The following OPCML variants were observed in gnomAD, a reference collection of about 807,000 sequenced individuals.
OPCML encodes the protein opioid binding protein/cell adhesion molecule like, also known as opioid-binding protein/cell adhesion molecule.
OPCML carries 13 observed loss-of-function variants against 37.8 expected under a neutral mutation model. That is an observed-to-expected ratio of 0.34 (90% confidence interval 0.22 to 0.55). The LOEUF (loss-of-function observed/expected upper bound fraction) is 0.55, where lower values mean the gene tolerates loss of function less well. Among genes scored for constraint, OPCML ranks in the 20% least tolerant of loss-of-function variants. OPCML has a pLI of 0.91. For missense variants in OPCML, 341 were observed against 435.6 expected, an observed-to-expected ratio of 0.78 and a Z score of 1.93; for synonymous variants, 176 against 168.8, an observed-to-expected ratio of 1.04 and a Z score of -0.33.
chr11:133,118,040 C>A, intron 1 of OPCML: 1 of 698,404 alleles, frequency 1.4e-6, no homozygotes, highest in Non-Finnish European at 1.8e-6. Flanking sequence ...GTGAAGTTTC[C>A]CCAGCAGGTG....
chr11:133,058,262 G>T (rs999653627), intron 1 of OPCML, among the ~76,000 whole-genome samples: 1 of 152,190 alleles, frequency 6.6e-6, no homozygotes, highest in Non-Finnish European at 1.5e-5. Context: ...AGAAATCACC[G>T]AGAGGTGACA....
At chr11:133,479,129 CTG>C (rs1947316886) in intron 1 of OPCML, among the ~76,000 whole-genome samples, 1 of 152,224 alleles carries the variant, frequency 6.6e-6, no homozygotes, top group African/African-American at 2.4e-5. Flanking sequence ...CTCTGCAAAT[CTG>C]TGTTTCTCAG....
chr11:132,851,371 C>T lies in OPCML; in HGVS notation c.146+91555G>A, dbSNP rs185947320. Among the ~76,000 whole-genome samples the T allele has an allele frequency of 2.0e-4, 30 of 152,236 alleles. No individual in the cohort carries two copies. In the East Asian group the frequency reaches 5.4e-3, roughly 27 times the overall value. On this transcript the variant is annotated intron_variant, in intron 2 of 7. Transcript: ENST00000524381. ...TAATCCTATCTACATGTCAAAAGGT[C>T]TAGAGCTCAAAAATCTGAAGAACCC...
rs192744593 is a variant in OPCML at position 132,758,489 on chromosome 11, G to A, written c.147-101170C>T. Among the ~76,000 whole-genome samples the A allele has an allele frequency of 2.6e-3, 401 of 152,246 alleles. 1 individual carries two copies. Among genetic ancestry groups the A allele is most frequent in the African/African-American group, 8.7e-3 (363 of 41,538 alleles). ...CTCTTATTTCCTTGAGCAGTGGTTT[G>A]TAGTTCTTCTTGAAGAAGTCCTTCA... On this transcript the variant is annotated intron_variant, in intron 2 of 7. Coordinates refer to ENST00000524381, the MANE Select transcript of OPCML (RefSeq NM_001012393.5).
intron 3 of OPCML, among the ~76,000 whole-genome samples, chr11:132,621,635 C>A (rs1055427122): frequency 6.6e-6 from 1 of 152,070 alleles, no homozygotes; most frequent in Non-Finnish European, 1.5e-5. Context: ...TGGGAAAGGG[C>A]GTGATTAGAG....
intron 4 of OPCML, among the ~76,000 whole-genome samples, chr11:132,501,912 G>A (rs1247437226): frequency 1.3e-5 from 2 of 152,156 alleles, no homozygotes; most frequent in Non-Finnish European, 2.9e-5. Flanking sequence ...GCTTTCAGAT[G>A]AATCTGTTTC....
chr11:132,562,198 T>C (rs1022140496), intron 3 of OPCML, among the ~76,000 whole-genome samples: 1 of 152,112 alleles, frequency 6.6e-6, no homozygotes, highest in Non-Finnish European at 1.5e-5. Flanking sequence ...ATTAAAGAAC[T>C]GAGGCACTAG....
chr11:132,547,816 C>A (rs2096372230), intron 3 of OPCML, among the ~76,000 whole-genome samples: 1 of 152,048 alleles, frequency 6.6e-6, no homozygotes, highest in East Asian at 1.9e-4. Flanking sequence ...TCATGTTTAT[C>A]CTTGAACACA....
At position 133,151,927 on chromosome 11, in the gene OPCML, C is replaced by T. The variant is rs59497369; in HGVS notation, c.62-208917G>A. On this transcript the variant is annotated intron_variant, in intron 1 of 7. Transcript: ENST00000524381. ...ACTCCTCAGAGTGCCTTGGCAGGAT[C>T]CCCCAGGAAGAGAATGCTTCTAGCT... is the stretch of plus-strand genomic sequence containing the variant. Among the ~76,000 whole-genome samples, 1,379 of 152,292 alleles carry T rather than the reference C, an allele frequency of 9.1e-3. 19 individuals carry two copies. Among genetic ancestry groups the T allele is most frequent in the African/African-American group, 0.032 (1,333 of 41,562 alleles).
At chr11:132,868,704 G>T (rs1338736389) in intron 2 of OPCML, among the ~76,000 whole-genome samples, 1 of 152,140 alleles carries the variant, frequency 6.6e-6, no homozygotes, top group African/African-American at 2.4e-5. Flanking sequence ...ACCCAGAAAT[G>T]AGAACAGAGG....
intron 4 of OPCML, among the ~76,000 whole-genome samples, chr11:132,445,744 G>A (rs2096052951): frequency 6.6e-6 from 1 of 152,182 alleles, no homozygotes; most frequent in Admixed American, 6.5e-5. Flanking sequence ...TTGGTAAGTT[G>A]AGGACTCCTG....
intron 1 of OPCML, among the ~76,000 whole-genome samples, chr11:133,187,772 G>A (rs1243364335): frequency 6.6e-6 from 1 of 152,160 alleles, no homozygotes; most frequent in African/African-American, 2.4e-5. Flanking sequence ...AACTTCTAAA[G>A]AGCTATCATA....
At chr11:132,838,850 G>C (rs748585631) in intron 2 of OPCML, among the ~76,000 whole-genome samples, 3 of 152,138 alleles carry the variant, frequency 2.0e-5, no homozygotes, top group African/African-American at 7.2e-5. Flanking sequence ...CTCAGGAGAT[G>C]ACTCAGCACC....
intron 1 of OPCML, chr11:133,006,220 T>G: frequency 1.4e-6 from 1 of 703,358 alleles, no homozygotes; most frequent in Non-Finnish European, 1.7e-6. Flanking sequence ...GCCCCTCGTC[T>G]TCCTGCGTGG....
chr11:133,437,807 T>C (rs1285555067), intron 1 of OPCML, among the ~76,000 whole-genome samples: 3 of 152,124 alleles, frequency 2.0e-5, no homozygotes, highest in Non-Finnish European at 4.4e-5. Context: ...ATTTACATCT[T>C]ATTTTTTAAC....
intron 1 of OPCML, among the ~76,000 whole-genome samples, chr11:133,495,254 A>G (rs1010488921): frequency 1.6e-4 from 25 of 152,216 alleles, no homozygotes; most frequent in Admixed American, 1.4e-3. Flanking sequence ...TTTATGGCTG[A>G]GTAGTATTCC....
chr11:132,579,385 A>ATGTGTGTGTGTGTGTG lies in OPCML; in HGVS notation c.380-50215_380-50200dup, dbSNP rs66467384. On this transcript the variant is annotated intron_variant, in intron 3 of 7. Coordinates refer to ENST00000524381, the MANE Select transcript of OPCML (RefSeq NM_001012393.5). ...AGGAGACAGGGAAGTTAGAATGAAT[A>ATGTGTGTGTGTGTGTG]TGTGTGTGTGTGTGTGTGTGTGTGT... 8.9e-5 allele frequency among the ~76,000 whole-genome samples: 13 copies of ATGTGTGTGTGTGTGTG among 146,630 alleles called. No individual in the cohort carries two copies. The South Asian group carries it at 2.3e-3, about 25-fold the overall frequency.
At chr11:133,218,642 G>C (rs1000314174) in intron 1 of OPCML, among the ~76,000 whole-genome samples, 1 of 152,154 alleles carries the variant, frequency 6.6e-6, no homozygotes. Flanking sequence ...TCTGCAGCTG[G>C]CATAGAGGGG....
chr11:132,886,899 G>A (rs143530947), intron 2 of OPCML, among the ~76,000 whole-genome samples: 2 of 152,224 alleles, frequency 1.3e-5, no homozygotes, highest in Non-Finnish European at 2.9e-5. Flanking sequence ...TGCCCCGCTC[G>A]CAGAATGCCA....
Sources: allele counts gnomAD v4.1 joint callset (sites outside exome capture counted in the v4.1 genomes callset), GRCh38; gene constraint gnomAD v4.1.1; transcripts MANE v1.5; gene names NCBI Gene and HGNC (gene_info 2026-07-23, HGNC 2026-07-21).